AP2A1: variants seen among roughly 807,000 people sequenced by gnomAD.
AP2A1 encodes the protein adaptor related protein complex 2 subunit alpha 1.
AP2A1 carries 21 observed loss-of-function variants against 107.3 expected under a neutral mutation model. The ratio of observed to expected loss-of-function variants is 0.20; its 90% CI spans 0.14 to 0.28. The LOEUF is 0.28. Ranked by LOEUF, AP2A1 falls within the 10% of genes least tolerant of loss-of-function variation. The probability of loss-of-function intolerance (pLI) is 1.00; values close to 1 mark genes in which losing one functional copy is unlikely to be tolerated. For missense variants in AP2A1, 873 were observed against 1,307.7 expected (o/e 0.67, Z 5.13); for synonymous variants, 602 against 564.8 (o/e 1.07, Z -0.93).
intron 7 of AP2A1, among the ~76,000 whole-genome samples, chr19:49,797,837 T>G (rs146799010): frequency 6.6e-6 from 1 of 150,564 alleles, no homozygotes; most frequent in African/African-American, 2.4e-5. Context: ...TCCCAGCACT[T>G]TGGGAGGCTG....
intron 15 of AP2A1, 75 bp from the exon 16 acceptor site, chr19:49,802,874 T>TCG (rs2073308059): frequency 2.7e-6 from 4 of 1,504,414 alleles, no homozygotes; most frequent in South Asian, 2.4e-5. Context: ...GGGCTTGTTC[T>TCG]CGCACTCAAT....
intron 1 of AP2A1, among the ~76,000 whole-genome samples, chr19:49,777,867 G>T (rs953065243): frequency 2.0e-5 from 3 of 151,996 alleles, no homozygotes; most frequent in Admixed American, 1.3e-4. Flanking sequence ...GGCCAAGACT[G>T]CAGTGAGCTG....
intron 1 of AP2A1, among the ~76,000 whole-genome samples, chr19:49,767,972 G>A (rs190288620): frequency 1.8e-4 from 28 of 152,120 alleles, no homozygotes; most frequent in Non-Finnish European, 1.5e-5. Flanking sequence ...ACCTGTGACA[G>A]GGAACGGGGG....
chr19:49,774,811 CGG>C (rs2084600878), intron 1 of AP2A1, among the ~76,000 whole-genome samples: 1 of 151,522 alleles, frequency 6.6e-6, no homozygotes, highest in Admixed American at 6.6e-5. Context: ...CCTAGCCACT[CGG>C]GAGGCTGAGG....
intron 1 of AP2A1, among the ~76,000 whole-genome samples, chr19:49,768,811 G>A (rs537944903): frequency 3.7e-4 from 57 of 152,138 alleles, no homozygotes; most frequent in Non-Finnish European, 7.3e-4. Flanking sequence ...CTTTCAGGAC[G>A]TTTTCTTGTC....
rs974038608 is a variant in AP2A1 at position 49,785,560 on chromosome 19, C to T, written c.473+2836C>T. 2.0e-5 allele frequency among the ~76,000 whole-genome samples: 3 copies of T among 151,918 alleles called. No homozygotes were observed. Among genetic ancestry groups the T allele is most frequent in the Non-Finnish European group, 2.9e-5 (2 of 67,982 alleles). On this transcript the variant is annotated intron_variant, in intron 4 of 22. Transcript: ENST00000354293. This position sits in a 1 kb window ranked among gnomAD's most constrained non-coding sequence, Gnocchi z 4.1. ...GGACTCTGGGGAGGAAGTTGGATTG[C>T]AGGGAGTCAGGGCGGGAGGGAGAGA...
intron 9 of AP2A1, 41 bp from the exon 10 acceptor site, chr19:49,799,588 G>C (rs2073252037): frequency 6.2e-7 from 1 of 1,600,866 alleles, no homozygotes. Flanking sequence ...TGTGCCAACA[G>C]GGAGTCTAAA....
At chr19:49,768,706 A>G (rs554106369) in intron 1 of AP2A1, among the ~76,000 whole-genome samples, 5 of 152,160 alleles carry the variant, frequency 3.3e-5, no homozygotes, top group Admixed American at 6.5e-5. Flanking sequence ...GGGCGGGGCT[A>G]TGGGGGTTGT....
intron 7 of AP2A1, chr19:49,796,708 GTGTCTA>G (rs1303055031): frequency 6.6e-6 from 1 of 152,392 alleles, no homozygotes; most frequent in Admixed American, 6.5e-5. Flanking sequence ...ATGCGTGTCT[GTGTCTA>G]TATGTGGCAG....
intron 1 of AP2A1, among the ~76,000 whole-genome samples, chr19:49,771,294 C>T (rs1217121343): frequency 6.5e-5 from 9 of 138,766 alleles, no homozygotes; most frequent in African/African-American, 2.5e-4. Context: ...ATAGTGAAAC[C>T]TCATCTCTTA....
At position 49,801,383 on chromosome 19, in the gene AP2A1, C is replaced by T; in HGVS notation, c.1554-7C>T. On this transcript the variant is annotated splice_region_variant and splice_polypyrimidine_tract_variant and intron_variant, in intron 12 of 22. Coordinates refer to ENST00000354293, the MANE Select transcript of AP2A1 (RefSeq NM_130787.3). ...CTGGCCCCGCTGACACCCACTCCTG[C>T]ACACAGCCCCCCAGTGCAGTTCTCC... is the stretch of plus-strand genomic sequence containing the variant. The T allele has an allele frequency of 6.2e-7, 1 of 1,611,982 alleles. No individual in the cohort carries two copies. The highest frequency in any genetic ancestry group is 8.5e-7 in the Non-Finnish European group (1 of 1,179,116).
chr19:49,799,811 G>T (rs533348822), intron 10 of AP2A1, 45 bp downstream of exon 10: 1 of 1,594,980 alleles, frequency 6.3e-7, no homozygotes, highest in African/African-American at 1.3e-5. Context: ...TCTGAGGCAG[G>T]AGGTGGCTGG....
At chr19:49,771,679 G>A (rs2084559531) in intron 1 of AP2A1, among the ~76,000 whole-genome samples, 1 of 152,104 alleles carries the variant, frequency 6.6e-6, no homozygotes, top group Non-Finnish European at 1.5e-5. Context: ...AAAATGCTGA[G>A]ATTACAGGTG....
chr19:49,791,775 G>A, intron 4 of AP2A1, 160 bp from the exon 5 acceptor site: 2 of 804,772 alleles, frequency 2.5e-6, no homozygotes, highest in Non-Finnish European at 3.9e-6. Context: ...GTCCTGGTGG[G>A]CCGTGAGGTC....
intron 19 of AP2A1, 23 bp from the exon 20 acceptor site, chr19:49,805,638 G>T: frequency 1.3e-6 from 2 of 1,554,052 alleles, no homozygotes; most frequent in Non-Finnish European, 1.7e-6. Flanking sequence ...GGGCCTAATG[G>T]AGCCTCCCTT....
intron 1 of AP2A1, among the ~76,000 whole-genome samples, chr19:49,768,494 G>T (rs1411809102): frequency 6.6e-6 from 1 of 152,200 alleles, no homozygotes; most frequent in African/African-American, 2.4e-5. Context: ...CCTTTCACTC[G>T]TTCCAGGCCC....
intron 6 of AP2A1, among the ~76,000 whole-genome samples, chr19:49,794,318 C>T (rs977358349): frequency 1.3e-5 from 2 of 151,624 alleles, no homozygotes; most frequent in South Asian, 2.1e-4. Context: ...TAGGCTCAAG[C>T]GATCTCTCGC....
At chr19:49,773,661 C>G (rs1194617527) in intron 1 of AP2A1, among the ~76,000 whole-genome samples, 1 of 152,086 alleles carries the variant, frequency 6.6e-6, no homozygotes, top group African/African-American at 2.4e-5. Context: ...GGGGGCCGGA[C>G]AGGTGGGAGT....
At chr19:49,789,571 G>C (rs1274238532) in intron 4 of AP2A1, among the ~76,000 whole-genome samples, 1 of 150,060 alleles carries the variant, frequency 6.7e-6, no homozygotes, top group Non-Finnish European at 1.5e-5. Context: ...GATTATAGGT[G>C]TGAGCCACTG....
Sources: gnomAD v4.1 joint callset for allele counts (sites outside exome capture counted in the v4.1 genomes callset) on GRCh38, gnomAD v4.1.1 for gene constraint, Gnocchi (gnomAD v3.1) non-coding constraint, MANE v1.5 for transcripts, NCBI Gene and HGNC (gene_info 2026-07-23, HGNC 2026-07-21) for gene names.